COL4A4: variants seen among roughly 807,000 people sequenced by gnomAD.
The protein encoded by COL4A4 is collagen alpha-4(IV) chain.
A neutral mutation model predicts 192.9 loss-of-function variants in COL4A4; 105 were observed. The observed-to-expected ratio is 0.54, with a 90% CI of 0.46 to 0.64. The LOEUF is 0.64. Ranked by LOEUF, COL4A4 falls within the 30% of genes least tolerant of loss-of-function variation. The pLI is 0.00. For missense variants in COL4A4, 1,967 were observed against 2,169.3 expected (o/e 0.91, Z 1.85); for synonymous variants, 762 against 769.9 (o/e 0.99, Z 0.17).
the COL4A4 span, among the ~76,000 whole-genome samples, chr2:226,975,930 C>T: frequency 6.6e-6 from 1 of 151,872 alleles, no homozygotes; most frequent in Non-Finnish European, 1.5e-5. Flanking sequence ...GTAAGTGGCC[C>T]CAGGGTTGTT....
At chr2:227,152,837 G>A (rs1460848986) in intron 1 of COL4A4, among the ~76,000 whole-genome samples, 1 of 152,224 alleles carries the variant, frequency 6.6e-6, no homozygotes, top group African/African-American at 2.4e-5. Flanking sequence ...GTGTCATCAT[G>A]TGGGAATAGA....
chr2:227,022,501 C>G (rs1189984764), intron 43 of COL4A4: 1 of 569,678 alleles, frequency 1.8e-6, no homozygotes, highest in African/African-American at 1.9e-5. Flanking sequence ...CAGGATTGCC[C>G]AATCTCTGGG....
the COL4A4 span, among the ~76,000 whole-genome samples, chr2:226,981,638 A>T: frequency 6.6e-6 from 1 of 152,146 alleles, no homozygotes; most frequent in Non-Finnish European, 1.5e-5. Context: ...TAATGAGTTA[A>T]TCAGACCTAA....
intron 7 of COL4A4, among the ~76,000 whole-genome samples, chr2:227,117,246 G>A (rs1403322897): frequency 2.0e-5 from 3 of 152,194 alleles, no homozygotes; most frequent in Admixed American, 2.0e-4. Context: ...CTTCAGGATT[G>A]TGGCTGGTAC....
chr2:227,013,153 G>A (rs965224542), intron 44 of COL4A4, among the ~76,000 whole-genome samples: 1 of 152,090 alleles, frequency 6.6e-6, no homozygotes, highest in Non-Finnish European at 1.5e-5. Context: ...ATCTCCCTTC[G>A]GTCAGGGGAG....
At chr2:227,021,900 A>G (rs1206484959) in intron 44 of COL4A4, 148 bp downstream of exon 44, 16 of 790,438 alleles carry the variant, frequency 2.0e-5, no homozygotes, top group Non-Finnish European at 3.3e-5. Context: ...TGTACTTTGG[A>G]TCAAGGTAGA....
chr2:227,043,107 G>A lies in COL4A4; in HGVS notation c.3367C>T (p.Pro1123Ser). The A allele has an allele frequency of 6.2e-6, 10 of 1,613,832 alleles. No individual in the cohort carries two copies. The highest frequency in any genetic ancestry group is 8.5e-6 in the Non-Finnish European group (10 of 1,180,000). The stretch of plus-strand genomic sequence containing the variant: ...CACCCTGGTGGTCCAGAGGAGCCAG[G>A]TGGCCCTGGCCTTCCAGGTGATCCT... ...PRGSPGRPGP[P>S]GSSGPPGCPG... Residue 1123 changes from proline (P) to serine (S), a missense_variant, in exon 36 of 48, where the codon CCT (proline) becomes TCT (serine). Transcript: ENST00000396625.
chr2:227,041,854 GAAAGAAAGAAAGAAAGAAAGAAAGAA>G (rs1971353343), intron 37 of COL4A4, among the ~76,000 whole-genome samples: 3 of 99,322 alleles, frequency 3.0e-5, no homozygotes, highest in East Asian at 5.5e-4. Context: ...GAAAGAGAAA[GAAAGAAAGAAAGAAAGAAAGAAAGAA>G]AGAAAGAAAG....
chr2:227,141,243 A>C (rs1056789338), intron 3 of COL4A4, among the ~76,000 whole-genome samples: 6 of 152,248 alleles, frequency 3.9e-5, no homozygotes, highest in Admixed American at 3.9e-4. Flanking sequence ...GATCTGGCCT[A>C]GCTGTCATTG....
chr2:227,123,701 A>G lies in COL4A4; in HGVS notation c.193-2553T>C, dbSNP rs553834278. Among the ~76,000 whole-genome samples, 2 of 152,348 alleles carry G rather than the reference A, an allele frequency of 1.3e-5. No individual in the cohort carries two copies. The highest frequency in any genetic ancestry group is 3.9e-4 in the East Asian group (2 of 5,186). ...TTGGATAAAGCCCTGACAGACACAG[A>G]TGCCAGCAGCTGAAGTCCCCCAGAG... On this transcript the variant is annotated intron_variant, in intron 4 of 47. Transcript: ENST00000396625. This position sits in a 1 kb window ranked among gnomAD's most constrained non-coding sequence, Gnocchi z 4.6.
At chr2:227,075,362 C>T (rs946546634) in intron 25 of COL4A4, among the ~76,000 whole-genome samples, 1 of 152,144 alleles carries the variant, frequency 6.6e-6, no homozygotes, top group African/African-American at 2.4e-5. Context: ...CATAATTCAT[C>T]ACATAAACAG....
At position 227,042,227 on chromosome 2, in the gene COL4A4, T is replaced by A; in HGVS notation, c.3426A>T (p.Gly1142=). 6.2e-7 allele frequency: 1 copy of A among 1,612,984 alleles called. No individual in the cohort carries two copies. Among genetic ancestry groups the A allele is most frequent in the African/African-American group, 1.3e-5 (1 of 75,030 alleles). ...PGDHGMPGLR[G]QPGEMGDPGP... ...CAGGGTCTCCCATTTCTCCTGGCTGTCCCCTCAGCCCAGGCATCCCGTGAT... is the reference window on the plus strand; with the variant it reads ...CAGGGTCTCCCATTTCTCCTGGCTGACCCCTCAGCCCAGGCATCCCGTGAT... Residue 1142 remains glycine, a synonymous_variant, in exon 37 of 48, where the codon GGA becomes GGT. Coordinates refer to ENST00000396625, the MANE Select transcript of COL4A4 (RefSeq NM_000092.5).
intron 31 of COL4A4, 143 bp from the exon 32 acceptor site, chr2:227,052,555 G>A (rs982535230): frequency 1.3e-5 from 9 of 672,640 alleles, no homozygotes; most frequent in African/African-American, 1.2e-4. Flanking sequence ...TGTCACCATT[G>A]TTGGCTGATT....
chr2:226,969,220 C>T, the COL4A4 span: 1 of 151,946 alleles, frequency 6.6e-6, no homozygotes, highest in Non-Finnish European at 1.5e-5. Context: ...TAACAGAGAG[C>T]CTGATTGTTG....
chr2:227,072,158 G>T (rs1416075027), intron 25 of COL4A4, among the ~76,000 whole-genome samples: 1 of 151,896 alleles, frequency 6.6e-6, no homozygotes, highest in East Asian at 1.9e-4. Context: ...CCATTAGCTA[G>T]ATTAAACAAG....
chr2:227,094,656 T>C (rs1355203786), intron 19 of COL4A4, among the ~76,000 whole-genome samples: 4 of 152,218 alleles, frequency 2.6e-5, no homozygotes, highest in Non-Finnish European at 5.9e-5. Context: ...AACAATACTA[T>C]ATCTTATATT....
chr2:226,988,675 G>T, the COL4A4 span: 1 of 983,532 alleles, frequency 1.0e-6, no homozygotes, highest in Non-Finnish European at 1.2e-6. Context: ...TATTCCGAAG[G>T]GTTTTCATAC....
chr2:226,968,391 G>A, the COL4A4 span, among the ~76,000 whole-genome samples: 2 of 152,330 alleles, frequency 1.3e-5, no homozygotes, highest in Admixed American at 1.3e-4. Flanking sequence ...GGCTGAAGCT[G>A]TAGTCCACAA....
chr2:226,975,441 G>C, the COL4A4 span, among the ~76,000 whole-genome samples: 2 of 152,154 alleles, frequency 1.3e-5, no homozygotes, highest in Non-Finnish European at 2.9e-5. Flanking sequence ...ATGGCCATGG[G>C]GTGAGGGAGG....
Sources: allele counts gnomAD v4.1 joint callset (sites outside exome capture counted in the v4.1 genomes callset), GRCh38; gene constraint gnomAD v4.1.1; non-coding constraint Gnocchi (gnomAD v3.1); transcripts MANE v1.5; gene names NCBI Gene and HGNC (gene_info 2026-07-23, HGNC 2026-07-21).